Variants in SLC25A26 observed in about 807,000 individuals in gnomAD.
SLC25A26 encodes solute carrier family 25 member 26.
In SLC25A26, 36 loss-of-function variants were observed where a neutral mutation model predicts 37.8. The ratio of observed to expected loss-of-function variants is 0.95; its 90% CI spans 0.73 to 1.26. The LOEUF (loss-of-function observed/expected upper bound fraction) is 1.26. SLC25A26 is among the 50% of genes most tolerant of loss of function. SLC25A26 has a pLI of 0.00. For missense variants in SLC25A26, 390 were observed against 331.1 expected, an observed-to-expected ratio of 1.18 and a Z score of -1.38; for synonymous variants, 129 against 122.5, an observed-to-expected ratio of 1.05 and a Z score of -0.35.
intron 5 of SLC25A26, among the ~76,000 whole-genome samples, chr3:66,290,799 G>C (rs1429536219): frequency 1.3e-5 from 2 of 152,126 alleles, no homozygotes; most frequent in Admixed American, 6.5e-5. Flanking sequence ...TCTCTGCCAG[G>C]TTTTGGTATC....
chr3:66,330,158 C>G (rs2107676373), intron 5 of SLC25A26, among the ~76,000 whole-genome samples: 1 of 152,282 alleles, frequency 6.6e-6, no homozygotes. Context: ...AGAGAGCAAG[C>G]TGTCAAAAGT....
chr3:66,230,441 A>G (rs782694536), intron 1 of SLC25A26, among the ~76,000 whole-genome samples: 4 of 152,072 alleles, frequency 2.6e-5, no homozygotes, highest in South Asian at 2.1e-4. Context: ...GTGTGTGTGC[A>G]TGTATGTATG....
At chr3:66,271,159 C>T (rs1380634437) in intron 5 of SLC25A26, among the ~76,000 whole-genome samples, 1 of 152,100 alleles carries the variant, frequency 6.6e-6, no homozygotes, top group Non-Finnish European at 1.5e-5. Context: ...GTTGTTGTTC[C>T]TTTGTGGTTT....
chr3:66,336,282 T>C (rs1418644796), intron 5 of SLC25A26, among the ~76,000 whole-genome samples: 1 of 152,166 alleles, frequency 6.6e-6, no homozygotes, highest in African/African-American at 2.4e-5. Context: ...CTACCTTTTA[T>C]TGTTGTGTTT....
intron 5 of SLC25A26, among the ~76,000 whole-genome samples, chr3:66,344,542 A>G (rs745701827): frequency 6.6e-6 from 1 of 152,076 alleles, no homozygotes; most frequent in Non-Finnish European, 1.5e-5. Flanking sequence ...TGGGACATTT[A>G]CACCCACCCA....
chr3:66,284,373 C>G (rs558464142), intron 5 of SLC25A26, among the ~76,000 whole-genome samples: 17 of 152,202 alleles, frequency 1.1e-4, no homozygotes, highest in African/African-American at 4.1e-4. Flanking sequence ...AACTCTAATC[C>G]ATTGCTATCA....
intron 4 of SLC25A26, among the ~76,000 whole-genome samples, chr3:66,262,547 A>G (rs1392088253): frequency 6.6e-6 from 1 of 152,248 alleles, no homozygotes; most frequent in Non-Finnish European, 1.5e-5. Context: ...TTATACCAAA[A>G]TGTAGCTTCT....
At chr3:66,193,543 G>T (rs1167062996) in intron 1 of SLC25A26, among the ~76,000 whole-genome samples, 3 of 151,770 alleles carry the variant, frequency 2.0e-5, no homozygotes, top group Non-Finnish European at 2.9e-5. Flanking sequence ...TCCTTATCTG[G>T]GCTTGGCAGC....
intron 5 of SLC25A26, among the ~76,000 whole-genome samples, chr3:66,287,932 C>T (rs936671968): frequency 1.3e-5 from 2 of 152,172 alleles, no homozygotes; most frequent in Admixed American, 6.5e-5. Flanking sequence ...ATCACTCAAA[C>T]GTTTGCTGTA....
At chr3:66,345,770 G>A (rs1287536149) in intron 5 of SLC25A26, among the ~76,000 whole-genome samples, 2 of 152,140 alleles carry the variant, frequency 1.3e-5, no homozygotes. Context: ...GCACAGAAAT[G>A]TCACGTCCTA....
intron 6 of SLC25A26, among the ~76,000 whole-genome samples, chr3:66,353,839 T>TTTAA (rs1435315301): frequency 6.6e-6 from 1 of 152,212 alleles, no homozygotes; most frequent in East Asian, 1.9e-4. Flanking sequence ...CGTGCTTGTG[T>TTTAA]TTAACTCCCC....
intron 5 of SLC25A26, among the ~76,000 whole-genome samples, chr3:66,339,664 A>G (rs995032740): frequency 2.0e-5 from 3 of 151,918 alleles, no homozygotes; most frequent in Non-Finnish European, 4.4e-5. Context: ...CTTGTTGTCT[A>G]TTTGTGCATC....
chr3:66,373,687 T>G (rs1313902152), intron 9 of SLC25A26, among the ~76,000 whole-genome samples: 5 of 152,158 alleles, frequency 3.3e-5, no homozygotes, highest in Admixed American at 2.0e-4. Context: ...TTTTTTTTTT[T>G]TTTTAAGCAA....
chr3:66,334,033 T>C (rs1477429660), intron 5 of SLC25A26, among the ~76,000 whole-genome samples: 1 of 152,194 alleles, frequency 6.6e-6, no homozygotes, highest in Non-Finnish European at 1.5e-5. Context: ...CTAGATTTTT[T>C]ATGTTTTCAT....
At chr3:66,231,650 A>G (rs544003389) in intron 1 of SLC25A26, among the ~76,000 whole-genome samples, 8 of 152,286 alleles carry the variant, frequency 5.3e-5, no homozygotes, top group Admixed American at 2.6e-4. Flanking sequence ...GCATATACAA[A>G]TAGTTACACA....
intron 5 of SLC25A26, among the ~76,000 whole-genome samples, chr3:66,313,754 G>T (rs551118338): frequency 6.6e-6 from 1 of 152,090 alleles, no homozygotes; most frequent in Non-Finnish European, 1.5e-5. Context: ...ATCCATGAGC[G>T]TGGAATGTTT....
intron 6 of SLC25A26, among the ~76,000 whole-genome samples, chr3:66,356,706 G>T (rs1559734225): frequency 6.6e-6 from 1 of 152,148 alleles, no homozygotes; most frequent in Non-Finnish European, 1.5e-5. Flanking sequence ...GCTGATAACT[G>T]CAGCTTCAAC....
At chr3:66,239,862 C>CA (rs2072488471) in intron 2 of SLC25A26, among the ~76,000 whole-genome samples, 1 of 113,806 alleles carries the variant, frequency 8.8e-6, no homozygotes, top group South Asian at 2.9e-4. Flanking sequence ...AAGCTGGATT[C>CA]ATTCATCTTG....
At chr3:66,230,870 A>G (rs1281769080) in intron 1 of SLC25A26, among the ~76,000 whole-genome samples, 1 of 151,124 alleles carries the variant, frequency 6.6e-6, no homozygotes, top group Non-Finnish European at 1.5e-5. Flanking sequence ...GCAGAAGCAC[A>G]GGAATGAGAA....
Sources: allele counts gnomAD v4.1 joint callset (sites outside exome capture counted in the v4.1 genomes callset), GRCh38; gene constraint gnomAD v4.1.1; transcripts MANE v1.5; gene names NCBI Gene and HGNC (gene_info 2026-07-23, HGNC 2026-07-21).